Variants in MYH6 observed in about 807,000 individuals in gnomAD.
The protein encoded by MYH6 is myosin-6.
Under a neutral mutation model 223.2 loss-of-function variants are expected in MYH6, and 126 were observed. The ratio of observed to expected loss-of-function variants is 0.56; its 90% CI spans 0.49 to 0.65. MYH6 has a LOEUF of 0.65. Among genes scored for constraint, MYH6 ranks in the 30% least tolerant of loss-of-function variants. The probability of loss-of-function intolerance (pLI) is 0.00; values close to 1 mark genes in which losing one functional copy is unlikely to be tolerated. For synonymous variants in MYH6, 978 were observed against 1,010.2 expected (o/e 0.97, Z 0.61); for missense variants, 2,040 against 2,536.4 (o/e 0.80, Z 4.20).
Position 23,404,694 on chromosome 14 carries a change from T to C in MYH6, c.642+17A>G, listed in dbSNP as rs1458453275. 3.7e-5 allele frequency: 60 copies of C among 1,610,184 alleles called. No individual in the cohort carries two copies. The highest frequency in any genetic ancestry group is 2.3e-4 in the Admixed American group (14 of 60,004). The stretch of plus-strand genomic sequence containing the variant: ...CCCCCAACCCCTGTTCTGCCGAGCC[T>C]GTGTCCCCCATGGCACCTTGTTCGC... On this transcript the variant is annotated intron_variant, in intron 7 of 38. Transcript: ENST00000405093.
rs745319323 is a variant in MYH6, at chr14:23,393,684, C to T, written c.2910G>A (p.Lys970=). 1 of 1,614,170 alleles carries T rather than the reference C, an allele frequency of 6.2e-7. No homozygotes were observed. Among genetic ancestry groups the T allele is most frequent in the Admixed American group, 1.7e-5 (1 of 60,024 alleles). The change falls in exon 22 of 39, where the codon AAG becomes AAA. Residue 970 remains lysine (K), a synonymous_variant. Transcript: ENST00000405093. Reference sequence around the variant, plus strand: ...CCCTCACCTTGTTCTCTGTTGCATGCTTCTCCTTCTCCACCTTGGCCAGTG... The same window carrying T: ...CCCTCACCTTGTTCTCTGTTGCATGTTTCTCCTTCTCCACCTTGGCCAGTG... ...ELTLAKVEKE[K]HATENKVKNL... is the part of the protein sequence containing the mutation.
At chr14:23,388,829 A>T (rs1347627879) in intron 29 of MYH6, 30 bp downstream of exon 29, 1 of 1,613,732 alleles carries the variant, frequency 6.2e-7, no homozygotes, top group Non-Finnish European at 8.5e-7. Context: ...CCTCTCTGAG[A>T]GTCAGGTTAA....
At chr14:23,397,958 C>CTTT (rs1566512497) in intron 15 of MYH6, among the ~76,000 whole-genome samples, 12 of 113,598 alleles carry the variant, frequency 1.1e-4, no homozygotes, top group Non-Finnish European at 2.0e-4. Context: ...TCTTCTTCTT[C>CTTT]TTCTTCTTCT....
chr14:23,388,668 A>G (rs1891121194), intron 29 of MYH6, 191 bp downstream of exon 29: 1 of 984,042 alleles, frequency 1.0e-6, no homozygotes, highest in East Asian at 2.4e-5. Flanking sequence ...CGCCCGTCAC[A>G]GGAAGTGGGT....
rs1891021300 is a variant in MYH6 at position 23,386,353 on chromosome 14, C to G, written c.4921G>C (p.Ala1641Pro). 2 of 1,614,126 alleles carry G rather than the reference C, an allele frequency of 1.2e-6. No individual in the cohort carries two copies. Among genetic ancestry groups the G allele is most frequent in the East Asian group, 4.5e-5 (2 of 44,872 alleles). Residue 1641 changes from alanine (A) to proline (P), a missense_variant, in exon 33 of 39, where the codon GCC becomes CCC. Physicochemically the swap from Ala to Pro is conservative, Grantham distance 27. Coordinates refer to ENST00000405093, the MANE Select transcript of MYH6 (RefSeq NM_002471.4). ...LSHANRMAAE[A>P]QKQVKSLQSL... ...TGGAGGCTCTTGACTTGCTTCTGGG[C>G]CTCGGCAGCCATGCGGTTGGCGTGG...
intron 13 of MYH6, 39 bp downstream of exon 13, chr14:23,400,670 C>G (rs192590799): frequency 3.5e-5 from 56 of 1,613,956 alleles, no homozygotes; most frequent in Middle Eastern, 1.6e-4. Flanking sequence ...TAGGAGCAAG[C>G]GAGTGATTGT....
intron 15 of MYH6, among the ~76,000 whole-genome samples, chr14:23,397,926 CTCCTCCTCTTCTTCTTCTTCTTCTTCT>C (rs1566512226): frequency 9.5e-5 from 12 of 126,632 alleles, no homozygotes; most frequent in African/African-American, 4.0e-4. Flanking sequence ...CCTCCTCCTC[CTCCTCCTCTTCTTCTTCTTCTTCTTCT>C]TCTTCTTCTT....
chr14:23,388,625 C>T (rs777708160), intron 29 of MYH6: 9 of 860,370 alleles, frequency 1.0e-5, no homozygotes, highest in African/African-American at 3.3e-5. Context: ...TCGTCTTATA[C>T]GTGAGCATCA....
chr14:23,392,031 C>T (rs902532556), intron 25 of MYH6, among the ~76,000 whole-genome samples: 6 of 152,132 alleles, frequency 3.9e-5, no homozygotes, highest in African/African-American at 1.4e-4. Context: ...TTGTCAGTCT[C>T]ATTTTACAGG....
At position 23,382,046 on chromosome 14, in the gene MYH6, C is replaced by T. The variant is rs370158835; in HGVS notation, c.5814G>A (p.Glu1938=). The change falls in exon 39 of 39, where the codon GAG becomes GAA. Residue 1938 remains glutamate, a synonymous_variant. Coordinates refer to ENST00000405093, the MANE Select transcript of MYH6 (RefSeq NM_002471.4). ...TGAGGTTCCCGAGGCAGTGTCACTC[C>T]TCATCGTGCATTTTTTGCTGCAAAA... The part of the protein sequence containing the change: ...DIGAKQKMHD[E]E The T allele has an allele frequency of 1.2e-6, 2 of 1,614,040 alleles. No homozygotes were observed. Among genetic ancestry groups the T allele is most frequent in the African/African-American group, 2.7e-5 (2 of 74,906 alleles).
In MYH6 at chr14:23,405,510, G is replaced by C. The variant is rs991134342; in HGVS notation, c.345+117C>G. The C allele has an allele frequency of 1.2e-5, 19 of 1,595,912 alleles. No individual in the cohort carries two copies. In the African/African-American group the frequency reaches 2.4e-4, roughly 20 times the overall value. ...CCTGCAGCTGACTAGGGGTGGAGGGGGGAAGGGGACTTGGGTCCCTTGGGA... is the reference window on the plus strand; with the variant it reads ...CCTGCAGCTGACTAGGGGTGGAGGGCGGAAGGGGACTTGGGTCCCTTGGGA... On this transcript the variant is annotated intron_variant, in intron 4 of 38. Coordinates refer to ENST00000405093, the MANE Select transcript of MYH6 (RefSeq NM_002471.4). This position sits in a 1 kb window ranked among gnomAD's most constrained non-coding sequence, Gnocchi z 4.7.
intron 25 of MYH6, 128 bp downstream of exon 25, chr14:23,392,434 A>C: frequency 2.5e-6 from 2 of 798,676 alleles, no homozygotes; most frequent in Non-Finnish European, 4.6e-6. Context: ...CCTGTAAGTC[A>C]GGGATGGTTG....
At position 23,389,072 on chromosome 14, in the gene MYH6, G is replaced by GGGGGGGGGGGGC; in HGVS notation, c.3979-18_3979-17insGCCCCCCCCCCC. On this transcript the variant is annotated splice_polypyrimidine_tract_variant and intron_variant, in intron 28 of 38. Transcript: ENST00000405093. The stretch of plus-strand genomic sequence containing the variant: ...GTTCTTCGCCTGGGGAGGGGGGGGG[G>GGGGGGGGGGGGC]CACCAGGAGGTGGGAGGGACTCCCT... The GGGGGGGGGGGGC allele has an allele frequency of 1.8e-6, 2 of 1,135,160 alleles. No individual in the cohort carries two copies. Among genetic ancestry groups the GGGGGGGGGGGGC allele is most frequent in the Non-Finnish European group, 2.6e-6 (2 of 774,144 alleles). 70.3% of individuals were successfully genotyped at this position (1,135,160 alleles called of 1,614,324 possible).
At position 23,397,738 on chromosome 14, in the gene MYH6, G is replaced by A. The variant is rs996627587; in HGVS notation, c.1892-125C>T. 36 of 1,005,316 alleles carry A rather than the reference G, an allele frequency of 3.6e-5. No homozygotes were observed. The Middle Eastern group carries it at 8.1e-4, about 23-fold the overall frequency. The allele number at this position is 1,005,316 out of a possible 1,614,324, so 62.3% of individuals were successfully genotyped here. A position where few individuals can be genotyped will look rare whatever the true frequency, so the allele number is the denominator to read the frequency against. On this transcript the variant is annotated intron_variant, in intron 15 of 38. Transcript: ENST00000405093. ...TGGGCAAGGAATTCTCCAAGATTCA[G>A]TTTACCATGAGGATGACAGTAACAA...
rs559413053 is a variant in MYH6, at chr14:23,382,031, G to A, written c.*9C>T. 46 of 1,614,198 alleles carry A rather than the reference G, an allele frequency of 2.8e-5. No homozygotes were observed. Among genetic ancestry groups the A allele is most frequent in the Non-Finnish European group, 3.7e-5 (44 of 1,180,030 alleles). ...ACAGGTTGGCAAGAGTGAGGTTCCC[G>A]AGGCAGTGTCACTCCTCATCGTGCA... is the stretch of plus-strand genomic sequence containing the variant. On this transcript the variant is annotated 3_prime_UTR_variant, in exon 39 of 39. Coordinates refer to ENST00000405093, the MANE Select transcript of MYH6 (RefSeq NM_002471.4).
chr14:23,408,154 C>T (rs1891843746), intron 1 of MYH6, 99 bp downstream of exon 1: 1 of 862,214 alleles, frequency 1.2e-6, no homozygotes, highest in South Asian at 5.3e-5. Context: ...GCCCTTAGGC[C>T]TCCAACTGAC....
At position 23,407,088 on chromosome 14, in the gene MYH6, ACT is replaced by A. The variant is rs1308376348; in HGVS notation, c.134_135del (p.Glu45ValfsTer17). 2 of 1,613,328 alleles carry A rather than the reference ACT, an allele frequency of 1.2e-6. No individual in the cohort carries two copies. The highest frequency in any genetic ancestry group is 1.7e-6 in the Non-Finnish European group (2 of 1,179,844). On this transcript the variant is annotated frameshift_variant, in exon 3 of 39. Coordinates refer to ENST00000405093, the MANE Select transcript of MYH6 (RefSeq NM_002471.4). LOFTEE classifies it high-confidence loss of function. The surrounding 1 kb of genome is among the most constrained non-coding windows in gnomAD (Gnocchi z 5.6). ...TECFVPDDKE[E>X]FVKAKILSRE... ...CGGGACAAAATCTTGGCTTTGACAA[ACT>A]CTTCCTTGTCATCGGGCACGAAGCA...
chr14:23,389,590 C>T lies in MYH6; in HGVS notation c.3859+3G>A. On this transcript the variant is annotated splice_donor_region_variant and intron_variant, in intron 27 of 38. Coordinates refer to ENST00000405093, the MANE Select transcript of MYH6 (RefSeq NM_002471.4). ...AGGCAGGGGGTTGGTTAGGGGCACC[C>T]ACCATTCTCGGTCTGCAGCTTGGCT... is the stretch of plus-strand genomic sequence containing the variant. The T allele has an allele frequency of 1.2e-6, 2 of 1,614,218 alleles. No individual in the cohort carries two copies. The highest frequency in any genetic ancestry group is 1.7e-6 in the Non-Finnish European group (2 of 1,180,030).
In MYH6 at chr14:23,383,339, G is replaced by GGGGCCCCCC; in HGVS notation, c.5566-20_5566-19insGGGGGGCCC. 1 of 108,192 alleles carries GGGGCCCCCC rather than the reference G, an allele frequency of 9.2e-6. No homozygotes were observed. The highest frequency in any genetic ancestry group is 1.8e-5 in the Non-Finnish European group (1 of 54,376). 6.7% of individuals were successfully genotyped at this position (108,192 alleles called of 1,614,324 possible). On this transcript the variant is annotated intron_variant, in intron 36 of 38. Coordinates refer to ENST00000405093, the MANE Select transcript of MYH6 (RefSeq NM_002471.4). The stretch of plus-strand genomic sequence containing the variant: ...CCTCTGTCTGGGGGTGGGAGGGTGG[G>GGGGCCCCCC]AGAAGCTGGTTTGGAGGGGGAGCAA...
Sources: allele counts gnomAD v4.1 joint callset (sites outside exome capture counted in the v4.1 genomes callset), GRCh38; gene constraint gnomAD v4.1.1; non-coding constraint Gnocchi (gnomAD v3.1); transcripts MANE v1.5; gene names NCBI Gene and HGNC (gene_info 2026-07-23, HGNC 2026-07-21).